Variants in NRXN1 observed in about 807,000 individuals in gnomAD.
NRXN1 encodes neurexin 1, also known as neurexin-1.
A neutral mutation model predicts 150.9 loss-of-function variants in NRXN1; 39 were observed. The observed-to-expected ratio is 0.26, with a 90% confidence interval of 0.20 to 0.34. NRXN1 has a LOEUF of 0.34. NRXN1 is among the 10% of genes least tolerant of loss of function. The pLI, the probability that NRXN1 is intolerant of heterozygous loss-of-function variation, is 1.00. For synonymous variants in NRXN1, 924 were observed against 757.0 expected (o/e 1.22, Z -3.62); for missense variants, 1,815 against 1,949.9 (o/e 0.93, Z 1.30).
At chr2:50,751,990 T>C (rs1480143530) in intron 5 of NRXN1, among the ~76,000 whole-genome samples, 1 of 151,912 alleles carries the variant, frequency 6.6e-6, no homozygotes, top group Non-Finnish European at 1.5e-5. Context: ...AGCTATTGAA[T>C]TGAAATGGAA....
At chr2:50,609,947 A>G (rs943630848) in intron 8 of NRXN1, among the ~76,000 whole-genome samples, 1 of 152,054 alleles carries the variant, frequency 6.6e-6, no homozygotes, top group Non-Finnish European at 1.5e-5. Flanking sequence ...TAAAAATCTC[A>G]TTTTCCTATT....
At chr2:50,326,220 ATGAAT>A (rs1469523603) in intron 17 of NRXN1, among the ~76,000 whole-genome samples, 4 of 152,208 alleles carry the variant, frequency 2.6e-5, no homozygotes, top group African/African-American at 9.7e-5. Context: ...GTGCTGAAAG[ATGAAT>A]TGAATAAATG....
At chr2:50,068,921 G>A (rs1017832443) in intron 19 of NRXN1, among the ~76,000 whole-genome samples, 2 of 152,202 alleles carry the variant, frequency 1.3e-5, no homozygotes, top group Middle Eastern at 3.4e-3. Context: ...CAAAATCACT[G>A]CACTTTCTCC....
chr2:49,944,104 AGAT>A lies in NRXN1; in HGVS notation c.4129-316_4129-314del, dbSNP rs1453086623. Among the ~76,000 whole-genome samples the A allele has an allele frequency of 3.3e-5, 5 of 152,238 alleles. 1 individual carries two copies. Among genetic ancestry groups the A allele is most frequent in the Admixed American group, 3.3e-4 (5 of 15,274 alleles). ...AGGTTTAAAACAACCTGGCAGAAAC[AGAT>A]GATTTGAAATTTATTACAGCCTGGA... is the stretch of plus-strand genomic sequence containing the variant. On this transcript the variant is annotated intron_variant, in intron 21 of 22. Coordinates refer to ENST00000401669, the MANE Select transcript of NRXN1 (RefSeq NM_001330078.2).
At chr2:50,705,049 AACACACACAC>A (rs10679163) in intron 5 of NRXN1, among the ~76,000 whole-genome samples, 3 of 145,830 alleles carry the variant, frequency 2.1e-5, no homozygotes, top group African/African-American at 5.0e-5. Flanking sequence ...CAGAAACACA[AACACACACAC>A]ACACACACAC....
intron 5 of NRXN1, among the ~76,000 whole-genome samples, chr2:50,746,559 A>AAACAACAACAACAAC (rs77543976): frequency 8.7e-5 from 13 of 149,178 alleles, no homozygotes; most frequent in South Asian, 8.6e-4. Flanking sequence ...CCCTGTCTCA[A>AAACAACAACAACAAC]AACAACAACA....
At chr2:50,981,497 CAT>C (rs1696804427) in intron 2 of NRXN1, among the ~76,000 whole-genome samples, 1 of 95,736 alleles carries the variant, frequency 1.0e-5, no homozygotes, top group Admixed American at 9.9e-5. Flanking sequence ...TGAAAAGAAA[CAT>C]AGAAACATAC....
chr2:50,539,635 C>T (rs1429823328), intron 9 of NRXN1, among the ~76,000 whole-genome samples: 2 of 152,200 alleles, frequency 1.3e-5, no homozygotes, highest in Non-Finnish European at 2.9e-5. Flanking sequence ...TGTACAAATG[C>T]AACCATGATA....
chr2:50,357,305 T>TATTTATTTA lies in NRXN1; in HGVS notation c.3364+108136_3364+108137insTAAATAAAT, dbSNP rs1553488170. On this transcript the variant is annotated intron_variant, in intron 17 of 22. Coordinates refer to ENST00000401669, the MANE Select transcript of NRXN1 (RefSeq NM_001330078.2). ...TAATACATTTATTTATTTATTTATT[T>TATTTATTTA]TTTTTTTTATTTATTATTTTGAGAC... Among the ~76,000 whole-genome samples, 124 of 144,188 alleles carry TATTTATTTA rather than the reference T, an allele frequency of 8.6e-4. 2 individuals are homozygous for TATTTATTTA. The East Asian group carries it at 8.7e-3, about 10-fold the overall frequency. 94.6% of individuals were successfully genotyped at this position (144,188 alleles called of 152,430 possible).
chr2:50,751,758 C>T (rs1559210475), intron 5 of NRXN1, among the ~76,000 whole-genome samples: 1 of 151,912 alleles, frequency 6.6e-6, no homozygotes, highest in Admixed American at 6.6e-5. Flanking sequence ...GGAAATTAAT[C>T]ATTTAATTAA....
Position 50,130,547 on chromosome 2 carries a change from C to T in NRXN1, c.3547-39053G>A, listed in dbSNP as rs553054838. Among the ~76,000 whole-genome samples, 358 of 152,186 alleles carry T rather than the reference C, an allele frequency of 2.4e-3. 4 individuals carry two copies. Among genetic ancestry groups the T allele is most frequent in the Non-Finnish European group, 4.3e-3 (294 of 68,004 alleles). ...TCTTCTACTTAAGCAGATTTCAAAC[C>T]GTGCTCCAAGGAATGCTGTTACATA... is the stretch of plus-strand genomic sequence containing the variant. On this transcript the variant is annotated intron_variant, in intron 18 of 22. Transcript: ENST00000401669.
chr2:50,576,943 A>G (rs2105496330), intron 8 of NRXN1, among the ~76,000 whole-genome samples: 1 of 152,096 alleles, frequency 6.6e-6, no homozygotes, highest in African/African-American at 2.4e-5. Context: ...GATGTAATTT[A>G]TTATATTCTT....
chr2:50,763,942 C>T, intron 5 of NRXN1, among the ~76,000 whole-genome samples: 1 of 151,840 alleles, frequency 6.6e-6, no homozygotes, highest in Non-Finnish European at 1.5e-5. Flanking sequence ...ATGACACTCC[C>T]ACTGAGCTGA....
rs187604477 is a variant in NRXN1 at position 50,081,263 on chromosome 2, A to G, written c.3718+10060T>C. Among the ~76,000 whole-genome samples the G allele has an allele frequency of 1.3e-3, 193 of 152,292 alleles. 1 individual carries two copies. Among genetic ancestry groups the G allele is most frequent in the South Asian group, 2.5e-3 (12 of 4,826 alleles). On this transcript the variant is annotated intron_variant, in intron 19 of 22. Coordinates refer to ENST00000401669, the MANE Select transcript of NRXN1 (RefSeq NM_001330078.2). ...TTGACGGCACTTTCATTTGTTTATT[A>G]GAAGTTAAGTGACATTAAAACCAAC...
chr2:50,137,579 T>A (rs1330099842), intron 18 of NRXN1, among the ~76,000 whole-genome samples: 3 of 152,136 alleles, frequency 2.0e-5, no homozygotes, highest in African/African-American at 7.2e-5. Flanking sequence ...TCTTTCTAAA[T>A]CTAGAGTCAG....
At chr2:50,833,449 C>T (rs963575521) in intron 5 of NRXN1, among the ~76,000 whole-genome samples, 2 of 152,152 alleles carry the variant, frequency 1.3e-5, no homozygotes, top group African/African-American at 4.8e-5. Flanking sequence ...TACCTCCCTA[C>T]AATGGAATAA....
chr2:50,299,230 G>T lies in NRXN1; in HGVS notation c.3365-62260C>A, dbSNP rs113680084. Among the ~76,000 whole-genome samples the T allele has an allele frequency of 7.2e-3, 1,091 of 152,124 alleles. 8 individuals carry two copies. The highest frequency in any genetic ancestry group is 0.027 in the Middle Eastern group (8 of 294). ...AGTAGGAAAGCTATATATGGCAGGA[G>T]AACTGAATTTCTATATCAGCTAGAA... On this transcript the variant is annotated intron_variant, in intron 17 of 22. Coordinates refer to ENST00000401669, the MANE Select transcript of NRXN1 (RefSeq NM_001330078.2).
At chr2:50,776,894 T>C (rs923438293) in intron 5 of NRXN1, among the ~76,000 whole-genome samples, 13 of 152,266 alleles carry the variant, frequency 8.5e-5, no homozygotes, top group African/African-American at 1.2e-4. Context: ...CCACCGATCC[T>C]AGTCCCATTT....
At position 50,260,212 on chromosome 2, in the gene NRXN1, TGA is replaced by T. The variant is rs200446273; in HGVS notation, c.3365-23244_3365-23243del. ...TGGTCATGGGTACTGGTAGCCCATA[TGA>T]TGCCTTTAGGAAAATAGAAAAAAAG... On this transcript the variant is annotated intron_variant, in intron 17 of 22. Transcript: ENST00000401669. 1.7e-4 allele frequency among the ~76,000 whole-genome samples: 26 copies of T among 151,528 alleles called. 1 individual carries two copies. In the East Asian group the frequency reaches 3.7e-3, roughly 22 times the overall value.
Sources: gnomAD v4.1 joint callset for allele counts (sites outside exome capture counted in the v4.1 genomes callset) on GRCh38, gnomAD v4.1.1 for gene constraint, MANE v1.5 for transcripts, NCBI Gene and HGNC (gene_info 2026-07-23, HGNC 2026-07-21) for gene names.